Variants in CELF4 observed in about 807,000 individuals in gnomAD.
CELF4 encodes CUG-BP- and ETR-3-like factor 4.
Under a neutral mutation model 59.9 loss-of-function variants are expected in CELF4, and 18 were observed. That is an observed-to-expected ratio of 0.30 (90% CI 0.21 to 0.45). The LOEUF (loss-of-function observed/expected upper bound fraction) is 0.45. CELF4 is among the 20% of genes least tolerant of loss of function. CELF4 has a pLI of 1.00. For missense variants in CELF4, 456 were observed against 689.0 expected, an observed-to-expected ratio of 0.66 and a Z score of 3.79; for synonymous variants, 261 against 267.1, an observed-to-expected ratio of 0.98 and a Z score of 0.22.
intron 1 of CELF4, among the ~76,000 whole-genome samples, chr18:37,498,280 C>CCT (rs1240168238): frequency 1.3e-5 from 2 of 151,682 alleles, no homozygotes. Context: ...TTCTGTTCTT[C>CCT]CTCTCCTCTC....
At chr18:37,545,353 G>A (rs1241478486) in intron 1 of CELF4, among the ~76,000 whole-genome samples, 1 of 152,222 alleles carries the variant, frequency 6.6e-6, no homozygotes. Flanking sequence ...AATGACTCAC[G>A]CTGGAGCCAG....
intron 1 of CELF4, among the ~76,000 whole-genome samples, chr18:37,546,734 C>T (rs1299404685): frequency 6.6e-6 from 1 of 152,220 alleles, no homozygotes; most frequent in Non-Finnish European, 1.5e-5. Context: ...CCACAGGATG[C>T]AGTGTAAATA....
At chr18:37,544,522 A>C (rs1567993372) in intron 1 of CELF4, among the ~76,000 whole-genome samples, 5 of 152,186 alleles carry the variant, frequency 3.3e-5, no homozygotes. Context: ...TAGCTTCACC[A>C]TTGAAAACAA....
At position 37,244,576 on chromosome 18, in the gene CELF4, GT is replaced by G. The variant is rs1270768075; in HGVS notation, c.*665del. 5 of 149,472 alleles carry G rather than the reference GT, an allele frequency of 3.3e-5. No homozygotes were observed. Among genetic ancestry groups the G allele is most frequent in the African/African-American group, 1.3e-4 (5 of 39,912 alleles). The allele number at this position is 149,472 out of a possible 1,614,324, so 9.3% of individuals were successfully genotyped here. On this transcript the variant is annotated 3_prime_UTR_variant, in exon 13 of 13. Transcript: ENST00000420428. Reference sequence around the variant, plus strand: ...TTTTCCTTTTTTTGTTGTTTTTTTTGTTTTTTGTTTTTTTTTTAATTTTTTA... The same window carrying G: ...TTTTCCTTTTTTTGTTGTTTTTTTTGTTTTTGTTTTTTTTTTAATTTTTTA...
At chr18:37,369,205 G>A (rs1274493954) in intron 2 of CELF4, among the ~76,000 whole-genome samples, 1 of 152,070 alleles carries the variant, frequency 6.6e-6, no homozygotes, top group Non-Finnish European at 1.5e-5. Context: ...ACCCGAACAT[G>A]TAAACCTATA....
At chr18:37,282,742 G>C (rs1012733223) in intron 3 of CELF4, among the ~76,000 whole-genome samples, 19 of 152,178 alleles carry the variant, frequency 1.2e-4, no homozygotes, top group African/African-American at 4.6e-4. Flanking sequence ...CTGGAGTCAA[G>C]AACCTGCAGC....
chr18:37,523,623 G>A (rs897212184), intron 1 of CELF4, among the ~76,000 whole-genome samples: 1 of 152,200 alleles, frequency 6.6e-6, no homozygotes, highest in Non-Finnish European at 1.5e-5. Flanking sequence ...AGCAAATCCT[G>A]CAGCTCAGGC....
intron 2 of CELF4, among the ~76,000 whole-genome samples, chr18:37,347,096 T>C (rs964375442): frequency 2.0e-5 from 3 of 151,912 alleles, no homozygotes; most frequent in African/African-American, 7.3e-5. Flanking sequence ...ATGGAGGGTG[T>C]TGGAGGAGAA....
At chr18:37,517,553 G>A (rs1328095524) in intron 1 of CELF4, among the ~76,000 whole-genome samples, 1 of 152,152 alleles carries the variant, frequency 6.6e-6, no homozygotes, top group Non-Finnish European at 1.5e-5. Context: ...ATATGTGTGG[G>A]AAGCCTCTCA....
intron 1 of CELF4, among the ~76,000 whole-genome samples, chr18:37,515,316 C>T (rs771172206): frequency 3.3e-5 from 5 of 152,166 alleles, no homozygotes; most frequent in Non-Finnish European, 5.9e-5. Flanking sequence ...CCTGGTGCAA[C>T]AAGTTCTCCC....
chr18:37,254,015 G>T lies in CELF4; in HGVS notation c.1334-77C>A, dbSNP rs2067316046. On this transcript the variant is annotated intron_variant, in intron 11 of 12. Coordinates refer to ENST00000420428, the MANE Select transcript of CELF4 (RefSeq NM_020180.4). This position sits in a 1 kb window ranked among gnomAD's most constrained non-coding sequence, Gnocchi z 5.1. Reference sequence around the variant, plus strand: ...CGCTGCCGGCGGGGAGGGGTCGGGGGACAGGGGGGCGGGGCGGGCCTGAGG... The same window carrying T: ...CGCTGCCGGCGGGGAGGGGTCGGGGTACAGGGGGGCGGGGCGGGCCTGAGG... 3.0e-6 allele frequency: 1 copy of T among 330,744 alleles called. No homozygotes were observed. Among genetic ancestry groups the T allele is most frequent in the Non-Finnish European group, 5.8e-6 (1 of 171,684 alleles). 20.5% of individuals were successfully genotyped at this position (330,744 alleles called of 1,614,324 possible).
At chr18:37,467,144 C>T (rs989525399) in intron 2 of CELF4, among the ~76,000 whole-genome samples, 1 of 152,130 alleles carries the variant, frequency 6.6e-6, no homozygotes, top group Admixed American at 6.5e-5. Flanking sequence ...TATGGGGTAT[C>T]AGAAAGCTAC....
intron 1 of CELF4, among the ~76,000 whole-genome samples, chr18:37,552,878 G>A (rs2099983668): frequency 6.6e-6 from 1 of 152,214 alleles, no homozygotes; most frequent in Non-Finnish European, 1.5e-5. Flanking sequence ...AGCCCTTCAG[G>A]AGTGTGATCT....
At chr18:37,285,659 C>A (rs897253914) in intron 3 of CELF4, among the ~76,000 whole-genome samples, 2 of 152,210 alleles carry the variant, frequency 1.3e-5, no homozygotes, top group Non-Finnish European at 2.9e-5. Context: ...GGTCTGGGGA[C>A]TGTCCCCACC....
chr18:37,259,090 T>C (rs751453272), intron 11 of CELF4, 91 bp downstream of exon 11: 2 of 1,595,380 alleles, frequency 1.3e-6, no homozygotes, highest in Non-Finnish European at 8.5e-7. Flanking sequence ...CTGTCCTAGG[T>C]GAAGCTAATT....
intron 2 of CELF4, among the ~76,000 whole-genome samples, chr18:37,467,871 T>C (rs527643754): frequency 6.6e-6 from 1 of 152,324 alleles, no homozygotes; most frequent in South Asian, 2.1e-4. Context: ...CATGTGGACA[T>C]GTGTAGGATG....
At chr18:37,364,452 A>T (rs555221093) in intron 2 of CELF4, among the ~76,000 whole-genome samples, 1 of 152,334 alleles carries the variant, frequency 6.6e-6, no homozygotes, top group African/African-American at 2.4e-5. Flanking sequence ...GGAAGACAGC[A>T]TGGAACACAA....
At chr18:37,558,641 G>A (rs947328288) in intron 1 of CELF4, among the ~76,000 whole-genome samples, 10 of 151,900 alleles carry the variant, frequency 6.6e-5, no homozygotes, top group Admixed American at 5.9e-4. Flanking sequence ...GAGAGGCTGC[G>A]TATCTAAAGG....
In CELF4 at chr18:37,457,422, G is replaced by A. The variant is rs141317236; in HGVS notation, c.369+28103C>T. On this transcript the variant is annotated intron_variant, in intron 2 of 12. Transcript: ENST00000420428. Reference sequence around the variant, plus strand: ...CCCAAGATCCAGGGCTAAGAGTGCCGCTGGGCATCTGGGAGTGTGCAGAAC... The same window carrying A: ...CCCAAGATCCAGGGCTAAGAGTGCCACTGGGCATCTGGGAGTGTGCAGAAC... Among the ~76,000 whole-genome samples the A allele has an allele frequency of 6.9e-3, 1,043 of 152,214 alleles. 6 individuals carry two copies. The highest frequency in any genetic ancestry group is 0.017 in the Middle Eastern group (5 of 294).
Sources: gnomAD v4.1 joint callset for allele counts (sites outside exome capture counted in the v4.1 genomes callset) on GRCh38, gnomAD v4.1.1 for gene constraint, Gnocchi (gnomAD v3.1) non-coding constraint, MANE v1.5 for transcripts, NCBI Gene and HGNC (gene_info 2026-07-23, HGNC 2026-07-21) for gene names.